Variants in MAPK8IP3 observed in about 807,000 individuals in gnomAD.
MAPK8IP3 encodes mitogen-activated protein kinase 8 interacting protein 3.
MAPK8IP3 carries 49 observed loss-of-function variants against 157.8 expected under a neutral mutation model. The ratio of observed to expected loss-of-function variants is 0.31; its 90% confidence interval spans 0.25 to 0.39. The LOEUF is 0.39. MAPK8IP3 is among the 10% of genes least tolerant of loss of function. The probability of loss-of-function intolerance (pLI) is 1.00; values close to 1 mark genes in which losing one functional copy is unlikely to be tolerated. For synonymous variants in MAPK8IP3, 897 were observed against 777.7 expected (o/e 1.15, Z -2.55); for missense variants, 1,478 against 1,889.4 (o/e 0.78, Z 4.04).
intron 9 of MAPK8IP3, 92 bp downstream of exon 9, chr16:1,758,251 T>A: frequency 6.9e-7 from 1 of 1,456,432 alleles, no homozygotes; most frequent in Non-Finnish European, 9.5e-7. Flanking sequence ...TCACCGTGGC[T>A]GTGTGGACTG....
chr16:1,749,438 G>A (rs1423869025), intron 8 of MAPK8IP3, among the ~76,000 whole-genome samples: 1 of 151,796 alleles, frequency 6.6e-6, no homozygotes, highest in African/African-American at 2.4e-5. Context: ...AGGAGGTTGG[G>A]AGGGTGCCCA....
chr16:1,758,846 C>T (rs2041769405), intron 9 of MAPK8IP3, 132 bp from the exon 10 acceptor site: 3 of 904,906 alleles, frequency 3.3e-6, no homozygotes, highest in Non-Finnish European at 3.6e-6. Context: ...CCCACCCTAA[C>T]CCAGCAGACC....
intron 4 of MAPK8IP3, among the ~76,000 whole-genome samples, chr16:1,733,719 G>A (rs1427169776): frequency 6.6e-6 from 1 of 152,206 alleles, no homozygotes; most frequent in Non-Finnish European, 1.5e-5. Context: ...CACTGCTGGG[G>A]TCCCCTCTGC....
intron 5 of MAPK8IP3, chr16:1,745,782 T>C (rs2040926686): frequency 6.6e-6 from 1 of 150,896 alleles, no homozygotes; most frequent in Non-Finnish European, 1.5e-5. Context: ...CATTTTGAGA[T>C]TCCTTCTAGA....
chr16:1,719,684 A>C (rs914750440), intron 1 of MAPK8IP3, among the ~76,000 whole-genome samples: 1 of 151,530 alleles, frequency 6.6e-6, no homozygotes. Context: ...AAAAAAAAAA[A>C]AAACCACAAA....
intron 2 of MAPK8IP3, among the ~76,000 whole-genome samples, chr16:1,728,280 A>C (rs1287946943): frequency 6.6e-6 from 1 of 152,192 alleles, no homozygotes; most frequent in Non-Finnish European, 1.5e-5. Flanking sequence ...GTCAGCCCAG[A>C]AGGCACATAG....
intron 2 of MAPK8IP3, among the ~76,000 whole-genome samples, chr16:1,727,710 T>C (rs2038983445): frequency 6.6e-6 from 1 of 152,228 alleles, no homozygotes. Flanking sequence ...CTGCTGGCGC[T>C]GACGCCTATG....
chr16:1,756,604 G>A (rs1479227558), intron 8 of MAPK8IP3, among the ~76,000 whole-genome samples: 30 of 150,644 alleles, frequency 2.0e-4, no homozygotes, highest in Admixed American at 1.9e-3. Flanking sequence ...GCAACATAGT[G>A]AGACCTCATT....
At chr16:1,708,217 C>G (rs1349332130) in intron 1 of MAPK8IP3, among the ~76,000 whole-genome samples, 2 of 152,224 alleles carry the variant, frequency 1.3e-5, no homozygotes, top group Admixed American at 1.3e-4. Context: ...CAGAAGTGCC[C>G]AGCCAGGATG....
At chr16:1,738,327 T>TGA (rs2141817217) in intron 4 of MAPK8IP3, among the ~76,000 whole-genome samples, 2 of 91,120 alleles carry the variant, frequency 2.2e-5, no homozygotes, top group Non-Finnish European at 2.1e-5. Context: ...TGAGCATCCG[T>TGA]GAGCGTGTGA....
chr16:1,736,307 CGT>C (rs1450039701), intron 4 of MAPK8IP3, among the ~76,000 whole-genome samples: 1 of 66,888 alleles, frequency 1.5e-5, no homozygotes, highest in Non-Finnish European at 2.8e-5. Flanking sequence ...CGTGAGCGTC[CGT>C]GTGAGCGTGT....
In MAPK8IP3 at chr16:1,767,725, C is replaced by T; in HGVS notation, c.3399C>T (p.Ser1133=). Residue 1133 remains serine (S), a synonymous_variant, in exon 27 of 32, where the codon AGC becomes AGT. Transcript: ENST00000610761. ...ACGTGGACATTGAGCCCTACGTCAGCAAGATGCTAGGTGAGGGGCCACGCC... is the reference window on the plus strand; with the variant it reads ...ACGTGGACATTGAGCCCTACGTCAGTAAGATGCTAGGTGAGGGGCCACGCC... ...LQDVDIEPYV[S]KMLGTGKLGF... The T allele has an allele frequency of 6.2e-7, 1 of 1,612,668 alleles. No homozygotes were observed. Among genetic ancestry groups the T allele is most frequent in the Non-Finnish European group, 8.5e-7 (1 of 1,179,906 alleles).
Position 1,766,498 on chromosome 16 carries a change from GC to G in MAPK8IP3, c.2820-24del, listed in dbSNP as rs749407304. 2.9e-5 allele frequency: 46 copies of G among 1,606,868 alleles called. No homozygotes were observed. In the Middle Eastern group the frequency reaches 5.0e-4, roughly 17 times the overall value. On this transcript the variant is annotated intron_variant, in intron 22 of 31. Transcript: ENST00000610761. The stretch of plus-strand genomic sequence containing the variant: ...TCTTGGGGCAGGTGCGTGCTCCGTG[GC>G]CCCCCCTGGAGCCACCGTTCTTCCT...
chr16:1,768,573 T>C lies in MAPK8IP3; in HGVS notation c.3839T>C (p.Leu1280Pro), dbSNP rs1356743121. Residue 1280 changes from leucine (L) to proline (P), a missense_variant, in exon 31 of 32, where the codon CTG (leucine) becomes CCG (proline). By Grantham distance (98) the Leu-to-Pro change is moderately conservative. Coordinates refer to ENST00000610761, the MANE Select transcript of MAPK8IP3 (RefSeq NM_001318852.2). ...GCCTCGGAGGTCGAGGGCCAGAAGC[T>C]GCGGAACGTGCTGGTGCTGAGCGGC... ...APASEVEGQK[L>P]RNVLVLSGGE... 4 of 1,585,766 alleles carry C rather than the reference T, an allele frequency of 2.5e-6. No homozygotes were observed. In the African/African-American group the frequency reaches 5.4e-5, roughly 21 times the overall value.
At chr16:1,715,790 G>T (rs761526809) in intron 1 of MAPK8IP3, among the ~76,000 whole-genome samples, 1 of 151,366 alleles carries the variant, frequency 6.6e-6, no homozygotes, top group African/African-American at 2.4e-5. Flanking sequence ...GTGCAATGGC[G>T]TGATCTCTAC....
rs1336866488 is a variant in MAPK8IP3 at position 1,751,254 on chromosome 16, G to A, written c.1216+2534G>A. Among the ~76,000 whole-genome samples the A allele has an allele frequency of 6.6e-6, 1 of 152,016 alleles. No individual in the cohort carries two copies. Among genetic ancestry groups the A allele is most frequent in the Non-Finnish European group, 1.5e-5 (1 of 68,016 alleles). On this transcript the variant is annotated intron_variant, in intron 8 of 31. Coordinates refer to ENST00000610761, the MANE Select transcript of MAPK8IP3 (RefSeq NM_001318852.2). The surrounding 1 kb of genome is among the most constrained non-coding windows in gnomAD (Gnocchi z 5.0). ...GTGGATTGCTTGAAGTCAGGAGTTTGAGACCAGCCTGGCCAACATGGTGAA... is the reference window on the plus strand; with the variant it reads ...GTGGATTGCTTGAAGTCAGGAGTTTAAGACCAGCCTGGCCAACATGGTGAA...
At chr16:1,728,796 C>G (rs2039085025) in intron 2 of MAPK8IP3, among the ~76,000 whole-genome samples, 1 of 146,664 alleles carries the variant, frequency 6.8e-6, no homozygotes, top group East Asian at 2.0e-4. Context: ...TGGCACAGCG[C>G]ACACAGCAGC....
At chr16:1,759,084 A>G in intron 10 of MAPK8IP3, 89 bp downstream of exon 10, 1 of 1,562,256 alleles carries the variant, frequency 6.4e-7, no homozygotes, top group East Asian at 2.2e-5. Flanking sequence ...GTTCTGCATG[A>G]TGGGGACAGT....
chr16:1,767,070 C>T (rs563092480), intron 25 of MAPK8IP3, 79 bp from the exon 26 acceptor site: 19 of 1,586,286 alleles, frequency 1.2e-5, no homozygotes, highest in Admixed American at 1.2e-4. Context: ...CTTAGTCTGG[C>T]AGTGGGTGTC....
Sources: allele counts gnomAD v4.1 joint callset (sites outside exome capture counted in the v4.1 genomes callset), GRCh38; gene constraint gnomAD v4.1.1; non-coding constraint Gnocchi (gnomAD v3.1); transcripts MANE v1.5; gene names NCBI Gene and HGNC (gene_info 2026-07-23, HGNC 2026-07-21).